Variants in LRFN2 observed in about 807,000 individuals in gnomAD.
LRFN2 encodes leucine-rich repeat and fibronectin type-III domain-containing protein 2.
A neutral mutation model predicts 37.3 loss-of-function variants in LRFN2; 18 were observed. That is an observed-to-expected ratio of 0.48 (90% confidence interval 0.33 to 0.72). The LOEUF (loss-of-function observed/expected upper bound fraction) is 0.72. LRFN2 is among the 30% of genes least tolerant of loss of function. LRFN2 has a pLI of 0.02. For synonymous variants in LRFN2, 556 were observed against 466.6 expected, an observed-to-expected ratio of 1.19 and a Z score of -2.47; for missense variants, 1,006 against 1,060.7, an observed-to-expected ratio of 0.95 and a Z score of 0.72.
intron 1 of LRFN2, among the ~76,000 whole-genome samples, chr6:40,522,009 A>G (rs1031659273): frequency 7.9e-5 from 12 of 152,206 alleles, no homozygotes; most frequent in African/African-American, 1.9e-4. Context: ...CTCCAAGACC[A>G]GAAGGAAGAC....
intron 1 of LRFN2, among the ~76,000 whole-genome samples, chr6:40,521,338 A>C (rs1380275037): frequency 6.6e-6 from 1 of 152,174 alleles, no homozygotes; most frequent in Non-Finnish European, 1.5e-5. Context: ...ACAGGATCTC[A>C]GAGTCCCAGG....
chr6:40,441,009 G>A (rs865909498), intron 1 of LRFN2, among the ~76,000 whole-genome samples: 3 of 152,134 alleles, frequency 2.0e-5, no homozygotes, highest in Admixed American at 6.5e-5. Context: ...AGACTGGGCC[G>A]CTGTAGAAAC....
chr6:40,436,593 C>T (rs1046685545), intron 1 of LRFN2, among the ~76,000 whole-genome samples: 1 of 152,134 alleles, frequency 6.6e-6, no homozygotes, highest in Admixed American at 6.5e-5. Flanking sequence ...TGAGCACCTG[C>T]CCACCCTGCC....
chr6:40,480,370 C>A (rs970146438), intron 1 of LRFN2, among the ~76,000 whole-genome samples: 1 of 152,116 alleles, frequency 6.6e-6, no homozygotes, highest in African/African-American at 2.4e-5. Context: ...CTCAACCTCC[C>A]TGGGCTCAGA....
intron 1 of LRFN2, among the ~76,000 whole-genome samples, chr6:40,560,759 T>A (rs1766978248): frequency 6.6e-6 from 1 of 152,204 alleles, no homozygotes. Context: ...GGTAAGGACA[T>A]CATGTCATAG....
intron 2 of LRFN2, 90 bp downstream of exon 2, chr6:40,431,624 T>C (rs936659602): frequency 3.1e-5 from 35 of 1,134,960 alleles, no homozygotes; most frequent in Non-Finnish European, 4.0e-5. Flanking sequence ...GGAAGAGGGG[T>C]ATAGGTGGGA....
intron 1 of LRFN2, among the ~76,000 whole-genome samples, chr6:40,441,463 G>A (rs1318710893): frequency 6.6e-6 from 1 of 152,182 alleles, no homozygotes; most frequent in Non-Finnish European, 1.5e-5. Context: ...GGGTAAAGGA[G>A]GGCTGGATTT....
chr6:40,454,554 A>G (rs1468640760), intron 1 of LRFN2, among the ~76,000 whole-genome samples: 1 of 152,164 alleles, frequency 6.6e-6, no homozygotes, highest in Non-Finnish European at 1.5e-5. Context: ...TTGTACCCTC[A>G]AATCATTTGT....
intron 1 of LRFN2, among the ~76,000 whole-genome samples, chr6:40,466,676 G>T (rs1451738464): frequency 1.3e-5 from 2 of 152,090 alleles, no homozygotes; most frequent in Non-Finnish European, 2.9e-5. Context: ...TCATCCCTAT[G>T]CAAGTCACCC....
intron 1 of LRFN2, among the ~76,000 whole-genome samples, chr6:40,497,319 T>C (rs1765251732): frequency 6.6e-6 from 1 of 152,164 alleles, no homozygotes; most frequent in African/African-American, 2.4e-5. Context: ...GCATCTCCTC[T>C]TAGTCAACCA....
intron 1 of LRFN2, among the ~76,000 whole-genome samples, chr6:40,436,197 C>T (rs1051403634): frequency 2.0e-5 from 3 of 152,108 alleles, no homozygotes; most frequent in African/African-American, 7.2e-5. Flanking sequence ...GCGTATTTTA[C>T]CCTCAGAGCA....
chr6:40,552,548 C>G (rs112602333), intron 1 of LRFN2, among the ~76,000 whole-genome samples: 234 of 152,224 alleles, frequency 1.5e-3, no homozygotes, highest in African/African-American at 5.1e-3. Context: ...AAGTAAAATC[C>G]CTGAGAAGTA....
chr6:40,494,611 AC>A (rs1209023989), intron 1 of LRFN2, among the ~76,000 whole-genome samples: 3 of 151,998 alleles, frequency 2.0e-5, no homozygotes, highest in Non-Finnish European at 4.4e-5. Context: ...CCTGTTCAAC[AC>A]CCAGGCCCCT....
Position 40,489,860 on chromosome 6 carries a change from C to T in LRFN2, c.-18-56729G>A, listed in dbSNP as rs567657051. 1.2e-4 allele frequency among the ~76,000 whole-genome samples: 19 copies of T among 152,282 alleles called. No homozygotes were observed. The East Asian group carries it at 1.7e-3, about 14-fold the overall frequency. ...TACTCATTCCCTCCTGTGACTTACCCGCTGCTGCACTCCGTAGGCATGCCC... is the reference window on the plus strand; with the variant it reads ...TACTCATTCCCTCCTGTGACTTACCTGCTGCTGCACTCCGTAGGCATGCCC... On this transcript the variant is annotated intron_variant, in intron 1 of 2. Coordinates refer to ENST00000338305, the MANE Select transcript of LRFN2 (RefSeq NM_020737.3).
intron 1 of LRFN2, among the ~76,000 whole-genome samples, chr6:40,461,720 G>T (rs534558999): frequency 8.5e-5 from 13 of 152,084 alleles, no homozygotes; most frequent in Non-Finnish European, 4.4e-5. Flanking sequence ...TAGGAGAGGC[G>T]AGGGAGATTA....
At chr6:40,423,282 A>G (rs1763271315) in intron 2 of LRFN2, among the ~76,000 whole-genome samples, 2 of 152,198 alleles carry the variant, frequency 1.3e-5, no homozygotes, top group South Asian at 4.1e-4. Context: ...TCACTTTCCA[A>G]GTTTACAGCT....
At chr6:40,420,694 C>T (rs149020569) in intron 2 of LRFN2, among the ~76,000 whole-genome samples, 1 of 152,380 alleles carries the variant, frequency 6.6e-6, no homozygotes, top group Non-Finnish European at 1.5e-5. Flanking sequence ...TCGCCTTCCT[C>T]AGCCTCCAAT....
chr6:40,563,236 C>A (rs1767032274), intron 1 of LRFN2, among the ~76,000 whole-genome samples: 1 of 152,200 alleles, frequency 6.6e-6, no homozygotes, highest in Non-Finnish European at 1.5e-5. Flanking sequence ...TGCCTCTCTG[C>A]ATCCGCTCAG....
chr6:40,432,952 T>G lies in LRFN2; in HGVS notation c.162A>C (p.Thr54=). Residue 54 remains threonine (T), a synonymous_variant, in exon 2 of 3, where the codon ACA becomes ACC. Transcript: ENST00000338305. The part of the protein sequence containing the change: ...LFVPPDIDRR[T]VELRLGGNFI... Reference sequence around the variant, plus strand: ...AGTTGCCGCCCAGGCGCAGCTCCACTGTCCGCCGGTCAATATCAGGGGGTA... The same window carrying G: ...AGTTGCCGCCCAGGCGCAGCTCCACGGTCCGCCGGTCAATATCAGGGGGTA... 1.2e-6 allele frequency: 2 copies of G among 1,613,730 alleles called. No homozygotes were observed. Among genetic ancestry groups the G allele is most frequent in the Middle Eastern group, 1.6e-4 (1 of 6,062 alleles).
Sources: gnomAD v4.1 joint callset for allele counts (sites outside exome capture counted in the v4.1 genomes callset) on GRCh38, gnomAD v4.1.1 for gene constraint, MANE v1.5 for transcripts, NCBI Gene and HGNC (gene_info 2026-07-23, HGNC 2026-07-21) for gene names.